COL1A2: variants seen among roughly 807,000 people sequenced by gnomAD.
The protein encoded by COL1A2 is collagen alpha-2(I) chain.
In COL1A2, 49 loss-of-function variants were observed where a neutral mutation model predicts 174.3. The ratio of observed to expected loss-of-function variants is 0.28; its 90% CI spans 0.22 to 0.36. The LOEUF (loss-of-function observed/expected upper bound fraction) is 0.36, where lower values mean the gene tolerates loss of function less well. Among genes scored for constraint, COL1A2 ranks in the 10% least tolerant of loss-of-function variants. COL1A2 has a pLI of 1.00. For synonymous variants in COL1A2, 655 were observed against 606.6 expected (o/e 1.08, Z -1.17); for missense variants, 1,438 against 1,822.7 (o/e 0.79, Z 3.84).
At position 94,423,081 on chromosome 7, in the gene COL1A2, C is replaced by T; in HGVS notation, c.2528C>T (p.Ala843Val). 2 of 1,614,184 alleles carry T rather than the reference C, an allele frequency of 1.2e-6. No homozygotes were observed. Among genetic ancestry groups the T allele is most frequent in the Non-Finnish European group, 1.7e-6 (2 of 1,180,034 alleles). ...GGTGCAGTTGGTCCCCCTGGCTTCG[C>T]TGGTGAGAAGGGTCCCTCTGGAGAG... ...EVGAVGPPGFAGEKGPSGEAG... is the reference protein window; with the variant it reads ...EVGAVGPPGFVGEKGPSGEAG... The change falls in exon 40 of 52, where the codon GCT becomes GTT. Residue 843 changes from alanine to valine, a missense_variant. Physicochemically the swap from Ala to Val is moderately conservative, Grantham distance 64 (BLOSUM62 0). Transcript: ENST00000297268.
intron 3 of COL1A2, among the ~76,000 whole-genome samples, chr7:94,398,760 G>GATCATTTA (rs1791630317): frequency 1.3e-5 from 2 of 152,034 alleles, no homozygotes; most frequent in South Asian, 2.1e-4. Context: ...GTAACAAAAT[G>GATCATTTA]ATCATTTAAT....
chr7:94,415,349 T>A, intron 30 of COL1A2, 79 bp downstream of exon 30: 2 of 1,193,558 alleles, frequency 1.7e-6, no homozygotes, highest in Non-Finnish European at 2.5e-6. Flanking sequence ...TTAAAGCCAC[T>A]GATGACCCTG....
intron 23 of COL1A2, 51 bp from the exon 24 acceptor site, chr7:94,412,017 G>T (rs1791938789): frequency 1.4e-6 from 2 of 1,480,098 alleles, no homozygotes; most frequent in South Asian, 1.2e-5. Flanking sequence ...TCTAAGGCTT[G>T]AGTATGTAAG....
At chr7:94,414,004 T>C (rs527412744) in intron 28 of COL1A2, 57 bp downstream of exon 28, 1 of 1,483,338 alleles carries the variant, frequency 6.7e-7, no homozygotes, top group African/African-American at 1.4e-5. Context: ...GAGCTGTAAA[T>C]CACCATACCG....
intron 42 of COL1A2, 69 bp from the exon 43 acceptor site, chr7:94,425,541 G>T (rs1792254546): frequency 1.3e-6 from 2 of 1,488,190 alleles, no homozygotes; most frequent in Admixed American, 1.7e-5. Context: ...AGACAGAGTA[G>T]CTACAACATA....
chr7:94,413,631 G>A (rs1739899175), intron 26 of COL1A2, 59 bp from the exon 27 acceptor site: 1 of 1,501,954 alleles, frequency 6.7e-7, no homozygotes, highest in African/African-American at 1.4e-5. Flanking sequence ...GAGGCTTTGA[G>A]ACATCTTAAA....
At position 94,404,598 on chromosome 7, in the gene COL1A2, C is replaced by A. The variant is rs777727443; in HGVS notation, c.322C>A (p.Pro108Thr). The A allele has an allele frequency of 5.6e-6, 9 of 1,613,876 alleles. 1 individual carries two copies. The highest frequency in any genetic ancestry group is 8.5e-7 in the Non-Finnish European group (1 of 1,179,962). The part of the protein sequence containing the change: ...PRGPPGAAGA[P>T]GPQGFQGPAG... ...AGGCCCACCTGGTGCAGCTGGAGCCCCAGTAAGTACTGAAAGCTTGTAATG... is the reference window on the plus strand; with the variant it reads ...AGGCCCACCTGGTGCAGCTGGAGCCACAGTAAGTACTGAAAGCTTGTAATG... Residue 108 changes from proline to threonine, a missense_variant and splice_region_variant, in exon 7 of 52, where the codon CCA becomes ACA. Physicochemically the swap from Pro to Thr is conservative, Grantham distance 38 (BLOSUM62 -1). Around this residue, in one of 3 missense-constraint regions of COL1A2, gnomAD observed 281 missense variants for 310.9 expected, o/e 0.90. Coordinates refer to ENST00000297268, the MANE Select transcript of COL1A2 (RefSeq NM_000089.4).
Position 94,410,204 on chromosome 7 carries a change from T to C in COL1A2, c.1036-38T>C, listed in dbSNP as rs377480314. On this transcript the variant is annotated intron_variant, in intron 19 of 51. Transcript: ENST00000297268. Reference sequence around the variant, plus strand: ...TTGTCTGCAAGAGAGTTTCAACAAATGTTTGTCCTTTGACCACTGTTCTGT... The same window carrying C: ...TTGTCTGCAAGAGAGTTTCAACAAACGTTTGTCCTTTGACCACTGTTCTGT... 14 of 1,607,076 alleles carry C rather than the reference T, an allele frequency of 8.7e-6. No homozygotes were observed. In the African/African-American group the frequency reaches 1.6e-4, roughly 18 times the overall value.
Position 94,429,108 on chromosome 7 carries a change from C to CTTT in COL1A2, c.3712-68_3712-66dup, listed in dbSNP as rs11380334. 3.7e-4 allele frequency: 303 copies of CTTT among 816,474 alleles called. 7 individuals carry two copies. The highest frequency in any genetic ancestry group is 1.2e-3 in the African/African-American group (59 of 50,464). 50.6% of individuals were successfully genotyped at this position (816,474 alleles called of 1,614,324 possible). ...TACTCTTCCTGAGATCTTTTTTTTTCTTTTTTTTTTTTTTCATGTTTGACT... is the reference window on the plus strand; with the variant it reads ...TACTCTTCCTGAGATCTTTTTTTTTCTTTTTTTTTTTTTTTTTCATGTTTGACT... On this transcript the variant is annotated intron_variant, in intron 50 of 51. Transcript: ENST00000297268.
rs1791832783 is a variant in COL1A2 at position 94,407,782 on chromosome 7, A to C, written c.595-65A>C. Reference sequence around the variant, plus strand: ...TTCAAAGTAAAAAAAATAGAGTAAAATTGCACTATCAGGAAAAATAATTGT... The same window carrying C: ...TTCAAAGTAAAAAAAATAGAGTAAACTTGCACTATCAGGAAAAATAATTGT... On this transcript the variant is annotated intron_variant, in intron 12 of 51. Coordinates refer to ENST00000297268, the MANE Select transcript of COL1A2 (RefSeq NM_000089.4). The C allele has an allele frequency of 4.9e-6, 7 of 1,438,662 alleles. No individual in the cohort carries two copies. In the South Asian group the frequency reaches 7.1e-5, roughly 15 times the overall value. The allele number at this position is 1,438,662 out of a possible 1,614,324, so 89.1% of individuals were successfully genotyped here.
intron 13 of COL1A2, 139 bp downstream of exon 13, chr7:94,408,030 T>C: frequency 1.7e-6 from 2 of 1,167,162 alleles, no homozygotes; most frequent in East Asian, 2.5e-5. Flanking sequence ...TGATACTTAA[T>C]TGAAATCCAC....
chr7:94,412,761 G>A (rs1401734173), intron 25 of COL1A2, 79 bp downstream of exon 25: 5 of 1,222,078 alleles, frequency 4.1e-6, no homozygotes, highest in South Asian at 2.5e-5. Context: ...TATCTCCTGC[G>A]AATCAGTCCA....
At chr7:94,419,287 A>G (rs1792103095) in intron 33 of COL1A2, among the ~76,000 whole-genome samples, 1 of 150,172 alleles carries the variant, frequency 6.7e-6, no homozygotes, top group South Asian at 2.1e-4. Flanking sequence ...ACATTTCCAT[A>G]ACCTTTATTA....
rs137962003 is a variant in COL1A2 at position 94,400,747 on chromosome 7, A to T, written c.225+459A>T. Among the ~76,000 whole-genome samples the T allele has an allele frequency of 7.9e-5, 12 of 152,342 alleles. No homozygotes were observed. The East Asian group carries it at 2.3e-3, about 29-fold the overall frequency. The stretch of plus-strand genomic sequence containing the variant: ...TGCTTGAAACTAATTTGAGAAAAGT[A>T]CATTTCCCTTTTTCATTAATATCTT... On this transcript the variant is annotated intron_variant, in intron 5 of 51. Coordinates refer to ENST00000297268, the MANE Select transcript of COL1A2 (RefSeq NM_000089.4).
chr7:94,425,870 A>G lies in COL1A2; in HGVS notation c.2943+13A>G. On this transcript the variant is annotated intron_variant, in intron 44 of 51. Coordinates refer to ENST00000297268, the MANE Select transcript of COL1A2 (RefSeq NM_000089.4). ...CCGTGGTGAAACTGTAAGTTTGTGAATACCAGTCCCTCAGTGCAGCATTCT... is the reference window on the plus strand; with the variant it reads ...CCGTGGTGAAACTGTAAGTTTGTGAGTACCAGTCCCTCAGTGCAGCATTCT... The G allele has an allele frequency of 3.7e-6, 6 of 1,608,020 alleles. No homozygotes were observed. The highest frequency in any genetic ancestry group is 5.1e-6 in the Non-Finnish European group (6 of 1,176,754).
intron 33 of COL1A2, 120 bp downstream of exon 33, chr7:94,418,672 T>A (rs909956879): frequency 1.3e-6 from 1 of 792,742 alleles, no homozygotes; most frequent in Non-Finnish European, 2.1e-6. Context: ...TAAAATAATA[T>A]TCCTTTCTCT....
intron 42 of COL1A2, 99 bp from the exon 43 acceptor site, chr7:94,425,511 C>T: frequency 8.1e-7 from 1 of 1,239,216 alleles, no homozygotes; most frequent in Non-Finnish European, 1.2e-6. Context: ...GGGTTCGTTA[C>T]TGAGCACTGG....
chr7:94,415,267 A>G lies in COL1A2; in HGVS notation c.1761A>G (p.Pro587=), dbSNP rs746150563. Residue 587 remains proline, a synonymous_variant, in exon 30 of 52, where the codon CCA becomes CCG. Coordinates refer to ENST00000297268, the MANE Select transcript of COL1A2 (RefSeq NM_000089.4). Reference sequence around the variant, plus strand: ...TTGGTCTCCCTGGTCCTGCTGGTCCAAGAGTAAGTGTTACTTCATTAACTT... The same window carrying G: ...TTGGTCTCCCTGGTCCTGCTGGTCCGAGAGTAAGTGTTACTTCATTAACTT... The part of the protein sequence containing the change: ...GEFGLPGPAG[P]RGERGPPGES... The G allele has an allele frequency of 5.0e-6, 8 of 1,613,670 alleles. No homozygotes were observed. The South Asian group carries it at 7.7e-5, about 16-fold the overall frequency.
At chr7:94,398,908 G>T (rs1460888152) in intron 3 of COL1A2, 141 bp from the exon 4 acceptor site, 8 of 796,942 alleles carry the variant, frequency 1.0e-5, no homozygotes, top group Non-Finnish European at 1.5e-5. Flanking sequence ...CTATTGCATT[G>T]TGTCAATTTT....
Sources: allele counts gnomAD v4.1 joint callset (sites outside exome capture counted in the v4.1 genomes callset), GRCh38; gene constraint gnomAD v4.1.1; regional missense constraint gnomAD v4.1.1; transcripts MANE v1.5; gene names NCBI Gene and HGNC (gene_info 2026-07-23, HGNC 2026-07-21).